Variants in RHOQ observed in about 807,000 individuals in gnomAD.
RHOQ encodes rho-related GTP-binding protein RhoQ.
RHOQ carries 7 observed loss-of-function variants against 25.8 expected under a neutral mutation model. That is an observed-to-expected ratio of 0.27 (90% CI 0.15 to 0.51). RHOQ has a LOEUF of 0.51. Ranked by LOEUF, RHOQ falls within the 20% of genes least tolerant of loss-of-function variation. The pLI is 0.97. For synonymous variants in RHOQ, 97 were observed against 98.6 expected (o/e 0.98, Z 0.10); for missense variants, 165 against 260.6 (o/e 0.63, Z 2.53).
In RHOQ at chr2:46,566,154, A is replaced by G. The variant is rs1668724537; in HGVS notation, c.202-9933A>G. On this transcript the variant is annotated intron_variant, in intron 2 of 4. Transcript: ENST00000238738. This position sits in a 1 kb window ranked among gnomAD's most constrained non-coding sequence, Gnocchi z 4.2. ...TTGTGCACCCTGATTGAGTGGTGAT[A>G]TCTTCTAGTGAGATGGTGAATACAG... is the stretch of plus-strand genomic sequence containing the variant. Among the ~76,000 whole-genome samples the G allele has an allele frequency of 6.6e-6, 1 of 152,198 alleles. No individual in the cohort carries two copies.
chr2:46,575,236 T>A (rs556552926), intron 2 of RHOQ, among the ~76,000 whole-genome samples: 20 of 152,290 alleles, frequency 1.3e-4, no homozygotes, highest in African/African-American at 4.6e-4. Flanking sequence ...ACTGCATGAT[T>A]TCATTTTATG....
intron 4 of RHOQ, among the ~76,000 whole-genome samples, chr2:46,579,884 C>T (rs999471178): frequency 1.3e-5 from 2 of 151,812 alleles, no homozygotes; most frequent in Admixed American, 6.6e-5. Context: ...TGACCTTGCT[C>T]TTTCTCCCAT....
intron 2 of RHOQ, among the ~76,000 whole-genome samples, chr2:46,557,051 T>C (rs1488791013): frequency 6.6e-6 from 1 of 152,194 alleles, no homozygotes; most frequent in African/African-American, 2.4e-5. Context: ...AAACACACTC[T>C]GTAAAGACAT....
chr2:46,549,754 C>T (rs907381422), intron 2 of RHOQ, among the ~76,000 whole-genome samples: 1 of 152,164 alleles, frequency 6.6e-6, no homozygotes. Context: ...GGAGGCTGGG[C>T]TGTCTGAGCT....
rs113514360 is a variant in RHOQ, at chr2:46,552,928, A to C, written c.201+9116A>C. 6.6e-6 allele frequency among the ~76,000 whole-genome samples: 1 copy of C among 152,198 alleles called. No individual in the cohort carries two copies. The highest frequency in any genetic ancestry group is 1.5e-5 in the Non-Finnish European group (1 of 68,032). On this transcript the variant is annotated intron_variant, in intron 2 of 4. Transcript: ENST00000238738. The surrounding 1 kb of genome is among the most constrained non-coding windows in gnomAD (Gnocchi z 5.0). ...AGTTAAGTTGAGTAAGGTTGTTTCC[A>C]CGAAAGTTGTTTTTTAGCTGGAGAA... is the stretch of plus-strand genomic sequence containing the variant.
At position 46,576,059 on chromosome 2, in the gene RHOQ, CATA is replaced by C. The variant is rs765588282; in HGVS notation, c.202-25_202-23del. 1.9e-6 allele frequency: 3 copies of C among 1,564,036 alleles called. No individual in the cohort carries two copies. The highest frequency in any genetic ancestry group is 1.4e-5 in the African/African-American group (1 of 71,996). ...CTAGTAAACAATAGAAATGTAAATA[CATA>C]ATGAGGCTTTTCTTTGTTCCTCAGG... is the stretch of plus-strand genomic sequence containing the variant. On this transcript the variant is annotated intron_variant, in intron 2 of 4. Coordinates refer to ENST00000238738, the MANE Select transcript of RHOQ (RefSeq NM_012249.4). This position sits in a 1 kb window ranked among gnomAD's most constrained non-coding sequence, Gnocchi z 5.1.
At chr2:46,544,444 C>T (rs1667982432) in intron 2 of RHOQ, among the ~76,000 whole-genome samples, 1 of 152,332 alleles carries the variant, frequency 6.6e-6, no homozygotes, top group South Asian at 2.1e-4. Context: ...AGGGGTTCCC[C>T]CCGGCCCTAC....
At chr2:46,560,152 C>T (rs1396576378) in intron 2 of RHOQ, among the ~76,000 whole-genome samples, 1 of 152,130 alleles carries the variant, frequency 6.6e-6, no homozygotes, top group African/African-American at 2.4e-5. Flanking sequence ...TTCAGACCCT[C>T]AGGGAGGTCT....
chr2:46,554,779 T>G (rs1460244381), intron 2 of RHOQ, among the ~76,000 whole-genome samples: 1 of 149,544 alleles, frequency 6.7e-6, no homozygotes, highest in Non-Finnish European at 1.5e-5. Flanking sequence ...TTACATTTTT[T>G]TCTTTCTTTC....
At chr2:46,567,973 C>T (rs779984464) in intron 2 of RHOQ, among the ~76,000 whole-genome samples, 6 of 152,086 alleles carry the variant, frequency 3.9e-5, no homozygotes, top group Non-Finnish European at 5.9e-5. Flanking sequence ...ACTCGGGAGG[C>T]TGAGGTGGAG....
At chr2:46,544,079 G>C (rs1667960861) in intron 2 of RHOQ, among the ~76,000 whole-genome samples, 1 of 152,110 alleles carries the variant, frequency 6.6e-6, no homozygotes, top group Non-Finnish European at 1.5e-5. Flanking sequence ...CTGGTGTGTG[G>C]GTCCCAACTC....
At chr2:46,553,731 C>G (rs891437014) in intron 2 of RHOQ, among the ~76,000 whole-genome samples, 5 of 145,572 alleles carry the variant, frequency 3.4e-5, no homozygotes, top group Non-Finnish European at 7.5e-5. Context: ...AGGTGCCCGC[C>G]ACCATGCCCA....
chr2:46,562,172 T>C (rs543514973), intron 2 of RHOQ, among the ~76,000 whole-genome samples: 169 of 152,240 alleles, frequency 1.1e-3, no homozygotes, highest in Middle Eastern at 3.4e-3. Flanking sequence ...CTGTAGGGTC[T>C]ATACCTCTAA....
rs761953816 is a variant in RHOQ, at chr2:46,543,737, C to G, written c.143-17C>G. ...CACTGTGAGCTTCTCTCCCCGCCCC[C>G]ACTTCTGTCCTTGCAGTCAGCGTCA... On this transcript the variant is annotated splice_polypyrimidine_tract_variant and intron_variant, in intron 1 of 4. Coordinates refer to ENST00000238738, the MANE Select transcript of RHOQ (RefSeq NM_012249.4). The G allele has an allele frequency of 1.2e-6, 2 of 1,611,830 alleles. No individual in the cohort carries two copies. Among genetic ancestry groups the G allele is most frequent in the East Asian group, 2.2e-5 (1 of 44,838 alleles).
intron 2 of RHOQ, among the ~76,000 whole-genome samples, chr2:46,546,259 G>C (rs1050721872): frequency 1.3e-5 from 2 of 151,502 alleles, no homozygotes; most frequent in Non-Finnish European, 2.9e-5. Context: ...AGAAATGTCT[G>C]TCTCGGGTCT....
Position 46,566,766 on chromosome 2 carries a change from C to T in RHOQ, c.202-9321C>T, listed in dbSNP as rs1193728946. On this transcript the variant is annotated intron_variant, in intron 2 of 4. Coordinates refer to ENST00000238738, the MANE Select transcript of RHOQ (RefSeq NM_012249.4). The surrounding 1 kb of genome is among the most constrained non-coding windows in gnomAD (Gnocchi z 4.2). Reference sequence around the variant, plus strand: ...ATGTCAGGGCTTTTCTGCCTTGGGACGTTTGCATACATTGTCTTGTTGTCT... The same window carrying T: ...ATGTCAGGGCTTTTCTGCCTTGGGATGTTTGCATACATTGTCTTGTTGTCT... 3.3e-5 allele frequency among the ~76,000 whole-genome samples: 5 copies of T among 152,114 alleles called. No individual in the cohort carries two copies. Among genetic ancestry groups the T allele is most frequent in the Non-Finnish European group, 7.4e-5 (5 of 68,022 alleles).
At chr2:46,544,656 G>C (rs902265948) in intron 2 of RHOQ, among the ~76,000 whole-genome samples, 27 of 152,318 alleles carry the variant, frequency 1.8e-4, no homozygotes, top group African/African-American at 5.5e-4. Context: ...TTTGCTCTGG[G>C]GATAAGTTGT....
intron 2 of RHOQ, among the ~76,000 whole-genome samples, chr2:46,570,886 ACT>A (rs1226629035): frequency 4.6e-5 from 7 of 152,050 alleles, no homozygotes; most frequent in African/African-American, 1.7e-4. Flanking sequence ...ACAGAGGAAA[ACT>A]CTAGTAGGTT....
chr2:46,560,654 T>C, intron 2 of RHOQ: 1 of 455,948 alleles, frequency 2.2e-6, no homozygotes, highest in South Asian at 1.5e-5. Flanking sequence ...TTGTGTCCAC[T>C]AGCTCCAGCA....
Sources: gnomAD v4.1 joint callset for allele counts (sites outside exome capture counted in the v4.1 genomes callset) on GRCh38, gnomAD v4.1.1 for gene constraint, Gnocchi (gnomAD v3.1) non-coding constraint, MANE v1.5 for transcripts, NCBI Gene and HGNC (gene_info 2026-07-23, HGNC 2026-07-21) for gene names.